Variants in CYTH3 observed in about 807,000 individuals in gnomAD.
CYTH3 encodes cytohesin 3, also known as cytohesin-3.
Under a neutral mutation model 55.1 loss-of-function variants are expected in CYTH3, and 23 were observed. The observed-to-expected ratio is 0.42, with a 90% confidence interval of 0.30 to 0.59. CYTH3 has a LOEUF of 0.59. CYTH3 is among the 20% of genes least tolerant of loss of function. The pLI is 0.20. For synonymous variants in CYTH3, 249 were observed against 194.9 expected, an observed-to-expected ratio of 1.28 and a Z score of -2.31; for missense variants, 413 against 524.8, an observed-to-expected ratio of 0.79 and a Z score of 2.08.
chr7:6,169,678 G>A lies in CYTH3; in HGVS notation c.823+857C>T, dbSNP rs1562875188. ...GCCCCGCAGGCAAAACAACCCCTCAGCATTTCTAAAACTGCCCGTAATTGC... is the reference window on the plus strand; with the variant it reads ...GCCCCGCAGGCAAAACAACCCCTCAACATTTCTAAAACTGCCCGTAATTGC... On this transcript the variant is annotated intron_variant, in intron 9 of 12. Transcript: ENST00000350796. This position sits in a 1 kb window ranked among gnomAD's most constrained non-coding sequence, Gnocchi z 4.1. Among the ~76,000 whole-genome samples the A allele has an allele frequency of 6.6e-6, 1 of 152,064 alleles. No homozygotes were observed. The highest frequency in any genetic ancestry group is 1.5e-5 in the Non-Finnish European group (1 of 68,020).
At chr7:6,212,674 A>C (rs1425412986) in intron 1 of CYTH3, 1 of 152,222 alleles carries the variant, frequency 6.6e-6, no homozygotes, top group Non-Finnish European at 1.5e-5. Flanking sequence ...GAAGGGAGGA[A>C]AGAGTAGAAT....
intron 1 of CYTH3, among the ~76,000 whole-genome samples, chr7:6,204,237 G>A (rs987543713): frequency 3.3e-5 from 5 of 152,162 alleles, no homozygotes; most frequent in African/African-American, 9.7e-5. Flanking sequence ...CCCAACAGGT[G>A]TGCAATATAC....
intron 1 of CYTH3, among the ~76,000 whole-genome samples, chr7:6,220,188 C>T (rs943455133): frequency 5.3e-5 from 8 of 152,092 alleles, no homozygotes; most frequent in East Asian, 3.9e-4. Context: ...TGAGCCACCG[C>T]GCCTGGCCTA....
At chr7:6,195,615 C>T (rs913832092) in intron 1 of CYTH3, among the ~76,000 whole-genome samples, 2 of 151,990 alleles carry the variant, frequency 1.3e-5, no homozygotes, top group Admixed American at 6.6e-5. Flanking sequence ...CCATCACGCC[C>T]GGCTAATTTT....
chr7:6,176,314 T>C (rs559261273), intron 5 of CYTH3, among the ~76,000 whole-genome samples: 50 of 140,078 alleles, frequency 3.6e-4, no homozygotes, highest in Non-Finnish European at 6.6e-4. Context: ...CAGGCTGGAG[T>C]GCAGTGGCAC....
intron 1 of CYTH3, among the ~76,000 whole-genome samples, chr7:6,233,297 G>T (rs778919289): frequency 8.5e-5 from 13 of 152,164 alleles, no homozygotes; most frequent in Non-Finnish European, 5.9e-5. Context: ...ACGCCTTCAA[G>T]TCTTTACTAT....
In CYTH3 at chr7:6,224,517, A is replaced by C. The variant is rs537149446; in HGVS notation, c.35-33986T>G. On this transcript the variant is annotated intron_variant, in intron 1 of 12. Transcript: ENST00000350796. Reference sequence around the variant, plus strand: ...ACTCAAAATGAGTGAATGACCTAGCATAAGAGCTAAAACTAGGATGGCTAT... The same window carrying C: ...ACTCAAAATGAGTGAATGACCTAGCCTAAGAGCTAAAACTAGGATGGCTAT... Among the ~76,000 whole-genome samples, 8 of 152,364 alleles carry C rather than the reference A, an allele frequency of 5.3e-5. No homozygotes were observed. The South Asian group carries it at 8.3e-4, about 16-fold the overall frequency.
intron 12 of CYTH3, 63 bp from the exon 13 acceptor site, chr7:6,165,079 A>G: frequency 6.2e-7 from 1 of 1,606,420 alleles, no homozygotes. Context: ...CCCCTTTCCC[A>G]CCAGCCCCAG....
intron 1 of CYTH3, among the ~76,000 whole-genome samples, chr7:6,260,843 A>G (rs1442684181): frequency 6.6e-6 from 1 of 152,036 alleles, no homozygotes; most frequent in Non-Finnish European, 1.5e-5. Context: ...AATCTCCCCA[A>G]TGTTTATCTC....
intron 1 of CYTH3, among the ~76,000 whole-genome samples, chr7:6,223,315 G>T (rs1275473806): frequency 6.6e-6 from 1 of 152,248 alleles, no homozygotes; most frequent in African/African-American, 2.4e-5. Context: ...CGTCTGGGAA[G>T]TGTACCCAAC....
intron 5 of CYTH3, 138 bp downstream of exon 5, chr7:6,177,685 A>T (rs1783384849): frequency 1.5e-6 from 1 of 676,664 alleles, no homozygotes; most frequent in Non-Finnish European, 2.6e-6. Flanking sequence ...TGGTATTGAG[A>T]CGGGCATGTG....
intron 1 of CYTH3, among the ~76,000 whole-genome samples, chr7:6,268,422 G>A (rs976305977): frequency 1.3e-5 from 2 of 152,054 alleles, no homozygotes; most frequent in African/African-American, 2.4e-5. Context: ...CACCCGCCTC[G>A]GCCTCCCAAA....
chr7:6,198,084 A>ACACT (rs1323984956), intron 1 of CYTH3, among the ~76,000 whole-genome samples: 1 of 149,512 alleles, frequency 6.7e-6, no homozygotes, highest in African/African-American at 2.5e-5. Flanking sequence ...ACAGAGTGAG[A>ACACT]CACTCTTAAG....
At chr7:6,249,851 G>A (rs1779915512) in intron 1 of CYTH3, among the ~76,000 whole-genome samples, 1 of 152,202 alleles carries the variant, frequency 6.6e-6, no homozygotes, top group Non-Finnish European at 1.5e-5. Flanking sequence ...GCCTCACATA[G>A]TTACCTTGTG....
At chr7:6,178,144 T>C (rs1206302442) in intron 4 of CYTH3, among the ~76,000 whole-genome samples, 4 of 152,254 alleles carry the variant, frequency 2.6e-5, no homozygotes, top group Admixed American at 2.6e-4. Context: ...TCATTCCTCC[T>C]GTTCAGTTTA....
At chr7:6,179,536 A>T (rs532445535) in intron 4 of CYTH3, among the ~76,000 whole-genome samples, 2 of 151,850 alleles carry the variant, frequency 1.3e-5, no homozygotes, top group East Asian at 3.8e-4. Context: ...ATCAATTCTC[A>T]TATGTATCTG....
At chr7:6,241,896 A>G (rs1779682131) in intron 1 of CYTH3, among the ~76,000 whole-genome samples, 2 of 152,224 alleles carry the variant, frequency 1.3e-5, no homozygotes, top group South Asian at 2.1e-4. Context: ...GGAGGCAGTG[A>G]TAAGAATTTA....
intron 1 of CYTH3, among the ~76,000 whole-genome samples, chr7:6,255,016 G>C (rs2115052413): frequency 6.6e-6 from 1 of 152,306 alleles, no homozygotes; most frequent in Admixed American, 6.5e-5. Flanking sequence ...ACTCTACTCA[G>C]TATGTAAAGA....
intron 1 of CYTH3, among the ~76,000 whole-genome samples, chr7:6,267,682 C>G (rs1780536008): frequency 2.0e-5 from 3 of 152,132 alleles, no homozygotes; most frequent in African/African-American, 7.2e-5. Flanking sequence ...CATCACTATG[C>G]CCGGCTAATT....
Sources: gnomAD v4.1 joint callset for allele counts (sites outside exome capture counted in the v4.1 genomes callset) on GRCh38, gnomAD v4.1.1 for gene constraint, Gnocchi (gnomAD v3.1) non-coding constraint, MANE v1.5 for transcripts, NCBI Gene and HGNC (gene_info 2026-07-23, HGNC 2026-07-21) for gene names.